Variants in ABCG8 observed in about 807,000 individuals in gnomAD.
ABCG8 encodes the protein ATP binding cassette subfamily G member 8.
ABCG8 carries 81 observed loss-of-function variants against 71.3 expected under a neutral mutation model. The ratio of observed to expected loss-of-function variants is 1.14; its 90% CI spans 0.95 to 1.37. The LOEUF (loss-of-function observed/expected upper bound fraction) is 1.37, where lower values mean the gene tolerates loss of function less well. ABCG8 is among the 40% of genes most tolerant of loss of function. The probability of loss-of-function intolerance (pLI) is 0.00; values close to 1 mark genes in which losing one functional copy is unlikely to be tolerated. For missense variants in ABCG8, 1,119 were observed against 866.2 expected (o/e 1.29, Z -3.66); for synonymous variants, 451 against 354.7 (o/e 1.27, Z -3.05).
chr2:43,848,689 A>C (rs1668819983), intron 3 of ABCG8: 1 of 152,244 alleles, frequency 6.6e-6, no homozygotes, highest in East Asian at 1.9e-4. Flanking sequence ...ACATACACAC[A>C]AAAGAACGCT....
rs575702640 is a variant in ABCG8 at position 43,880,308 on chromosome 2, G to C, written c.*2395G>C. ...CTTGCCTCAGCCTCCCAAGTAGTTG[G>C]GATTAACAGTGCCCACCACCACACC... On this transcript the variant is annotated 3_prime_UTR_variant, in exon 13 of 13. Transcript: ENST00000272286. 1.1e-4 allele frequency: 16 copies of C among 150,996 alleles called. No homozygotes were observed. The highest frequency in any genetic ancestry group is 3.9e-4 in the African/African-American group (16 of 40,988). 9.4% of individuals were successfully genotyped at this position (150,996 alleles called of 1,614,324 possible). A position where few individuals can be genotyped will look rare whatever the true frequency, so the allele number is the denominator to read the frequency against.
chr2:43,862,004 A>C (rs1250297940), intron 6 of ABCG8, among the ~76,000 whole-genome samples: 1 of 151,262 alleles, frequency 6.6e-6, no homozygotes, highest in African/African-American at 2.4e-5. Flanking sequence ...TACTCTCTGG[A>C]TAGAACTCTC....
chr2:43,849,907 A>G (rs1176846473), intron 3 of ABCG8, among the ~76,000 whole-genome samples: 4 of 151,398 alleles, frequency 2.6e-5, no homozygotes, highest in Non-Finnish European at 5.9e-5. Context: ...GGAGATCAAA[A>G]CTCCATCTGG....
chr2:43,871,242 C>G (rs868580480), intron 6 of ABCG8, among the ~76,000 whole-genome samples: 2 of 150,574 alleles, frequency 1.3e-5, no homozygotes, highest in Non-Finnish European at 3.0e-5. Context: ...ATAGAACTCT[C>G]ACTTTCTGGA....
rs758184102 is a variant in ABCG8, at chr2:43,851,533, C to G, written c.323-51C>G. On this transcript the variant is annotated intron_variant, in intron 3 of 12. Coordinates refer to ENST00000272286, the MANE Select transcript of ABCG8 (RefSeq NM_022437.3). Reference sequence around the variant, plus strand: ...TGTATGGGGAGCAGTGGCTGACAGCCTGGCCCCCACAGAAGCTCCGCTCTC... The same window carrying G: ...TGTATGGGGAGCAGTGGCTGACAGCGTGGCCCCCACAGAAGCTCCGCTCTC... 7.5e-6 allele frequency: 12 copies of G among 1,599,180 alleles called. 1 individual carries two copies. Among genetic ancestry groups the G allele is most frequent in the Non-Finnish European group, 9.4e-6 (11 of 1,166,578 alleles).
chr2:43,866,037 G>A (rs971540537), intron 6 of ABCG8, among the ~76,000 whole-genome samples: 5 of 151,730 alleles, frequency 3.3e-5, no homozygotes, highest in South Asian at 2.1e-4. Context: ...CAGAAATAAC[G>A]CCGCATATCT....
intron 6 of ABCG8, among the ~76,000 whole-genome samples, chr2:43,855,816 C>A (rs190502122): frequency 4.0e-5 from 6 of 151,792 alleles, no homozygotes; most frequent in Non-Finnish European, 8.8e-5. Flanking sequence ...ATGGGATTCT[C>A]CCTCTATGGA....
intron 6 of ABCG8, among the ~76,000 whole-genome samples, chr2:43,861,520 A>G (rs895844548): frequency 2.1e-5 from 3 of 145,648 alleles, no homozygotes; most frequent in African/African-American, 7.6e-5. Context: ...ATAAAACTCT[A>G]TCTGTCTGGA....
Position 43,872,122 on chromosome 2 carries a change from G to C in ABCG8, c.1111G>C (p.Asp371His). The change falls in exon 7 of 13, where the codon GAC becomes CAC. Residue 371 changes from aspartate to histidine, a missense_variant. Transcript: ENST00000272286. ...WKAETKDLDE[D>H]TCVESSVTPL... ...AGCAGAGACGAAGGATCTTGACGAG[G>C]ACACCTGTGTGGAAAGGTAAGGTGG... 1.2e-6 allele frequency: 2 copies of C among 1,614,126 alleles called. No homozygotes were observed. Among genetic ancestry groups the C allele is most frequent in the Non-Finnish European group, 1.7e-6 (2 of 1,180,040 alleles).
At chr2:43,847,215 A>G (rs1668772078) in intron 3 of ABCG8, 2 of 152,254 alleles carry the variant, frequency 1.3e-5, no homozygotes, top group African/African-American at 4.8e-5. Flanking sequence ...AATCATTTCC[A>G]GAGGTAGAGA....
chr2:43,842,873 A>C (rs1668623962), intron 1 of ABCG8, among the ~76,000 whole-genome samples: 1 of 152,060 alleles, frequency 6.6e-6, no homozygotes, highest in Non-Finnish European at 1.5e-5. Flanking sequence ...ACTCTCCCAG[A>C]ACTCTAAGGG....
At chr2:43,862,138 C>T (rs1187918730) in intron 6 of ABCG8, among the ~76,000 whole-genome samples, 2 of 151,096 alleles carry the variant, frequency 1.3e-5, no homozygotes, top group African/African-American at 2.4e-5. Flanking sequence ...CTGGAAAGAA[C>T]TCTCAGTATC....
intron 1 of ABCG8, among the ~76,000 whole-genome samples, chr2:43,840,728 CG>C: frequency 6.6e-6 from 1 of 152,292 alleles, no homozygotes; most frequent in Non-Finnish European, 1.5e-5. Context: ...TGCGCTGGTA[CG>C]GGGGAGCCAC....
chr2:43,844,694 ACTTGCAGGCC>A (rs1285751675), intron 2 of ABCG8, 86 bp downstream of exon 2: 2 of 1,035,280 alleles, frequency 1.9e-6, no homozygotes, highest in Non-Finnish European at 3.0e-6. Flanking sequence ...GGTGGGCCCA[ACTTGCAGGCC>A]CTCTGCCCGC....
rs776120910 is a variant in ABCG8, at chr2:43,852,612, C to T, written c.708C>T (p.Leu236=). 3.7e-6 allele frequency: 6 copies of T among 1,614,138 alleles called. No homozygotes were observed. The highest frequency in any genetic ancestry group is 2.2e-5 in the East Asian group (1 of 44,878). The change falls in exon 6 of 13, where the codon CTC becomes CTT. Residue 236 remains leucine, a synonymous_variant. Transcript: ENST00000272286. Reference sequence around the variant, plus strand: ...TGTGTTGGAAAGGAATCCTTATTCTCGACGAACCCACCTCTGGGCTCGACA... The same window carrying T: ...TGTGTTGGAAAGGAATCCTTATTCTTGACGAACCCACCTCTGGGCTCGACA... ...QLLWNPGILI[L]DEPTSGLDSF...
At chr2:43,870,826 G>A (rs1017738147) in intron 6 of ABCG8, among the ~76,000 whole-genome samples, 2 of 151,672 alleles carry the variant, frequency 1.3e-5, no homozygotes, top group African/African-American at 4.8e-5. Context: ...CTCATTCTCT[G>A]GATAGAACTC....
At chr2:43,868,505 T>C (rs995834908) in intron 6 of ABCG8, among the ~76,000 whole-genome samples, 2 of 152,100 alleles carry the variant, frequency 1.3e-5, no homozygotes, top group Admixed American at 6.6e-5. Context: ...TCTGTCTGGA[T>C]AGAATTCTCA....
At chr2:43,841,538 A>G (rs1337891469) in intron 1 of ABCG8, among the ~76,000 whole-genome samples, 1 of 152,142 alleles carries the variant, frequency 6.6e-6, no homozygotes, top group Non-Finnish European at 1.5e-5. Context: ...GTCGTCCCCA[A>G]CCCAGGCACG....
intron 3 of ABCG8, among the ~76,000 whole-genome samples, chr2:43,849,911 C>T (rs1258919430): frequency 6.6e-6 from 1 of 152,088 alleles, no homozygotes; most frequent in Non-Finnish European, 1.5e-5. Flanking sequence ...ATCAAAACTC[C>T]ATCTGGGGCC....
Sources: gnomAD v4.1 joint callset for allele counts (sites outside exome capture counted in the v4.1 genomes callset) on GRCh38, gnomAD v4.1.1 for gene constraint, MANE v1.5 for transcripts, NCBI Gene and HGNC (gene_info 2026-07-23, HGNC 2026-07-21) for gene names.